Variants in DMD observed in about 807,000 individuals in gnomAD.
DMD encodes the protein dystrophin.
A neutral mutation model predicts 330.1 loss-of-function variants in DMD; 63 were observed. The ratio of observed to expected loss-of-function variants is 0.19; its 90% CI spans 0.16 to 0.24. The LOEUF is 0.24. Ranked by LOEUF, DMD falls within the 10% of genes least tolerant of loss-of-function variation. DMD has a pLI of 1.00. For synonymous variants in DMD, 1,223 were observed against 959.8 expected, an observed-to-expected ratio of 1.27 and a Z score of -5.07; for missense variants, 3,344 against 2,684.1, an observed-to-expected ratio of 1.25 and a Z score of -5.43.
chrX:32,701,635 T>G (rs901976529), intron 7 of DMD, among the ~76,000 whole-genome samples: 2 of 111,533 alleles, frequency 1.8e-5, no homozygotes, highest in Non-Finnish European at 3.8e-5. Context: ...TTAGCATAAC[T>G]TAGAGCTCTT....
At chrX:32,085,346 G>A (rs1328680410) in intron 44 of DMD, among the ~76,000 whole-genome samples, 1 of 109,365 alleles carries the variant, frequency 9.1e-6, no homozygotes, top group Non-Finnish European at 1.9e-5. Flanking sequence ...TATTATGTGA[G>A]TATGTTGGAT....
At position 31,737,952 on chromosome X, in the gene DMD, A is replaced by G. The variant is rs779209956; in HGVS notation, c.7543-8204T>C. ...TGGAATTCTTTACAAATAATGGCAA[A>G]TAAGTTTAGGTAGACATAGTAGAAG... On this transcript the variant is annotated intron_variant, in intron 51 of 78. Transcript: ENST00000357033. 5.4e-5 allele frequency among the ~76,000 whole-genome samples: 6 copies of G among 112,024 alleles called. No homozygotes were observed. The South Asian group carries it at 2.2e-3, about 42-fold the overall frequency.
chrX:32,582,562 A>G (rs1471604912), intron 13 of DMD, among the ~76,000 whole-genome samples: 1 of 112,023 alleles, frequency 8.9e-6, no homozygotes, highest in Non-Finnish European at 1.9e-5. Context: ...GATCCAGAGA[A>G]TAGATGAAAT....
intron 2 of DMD, among the ~76,000 whole-genome samples, chrX:32,898,616 G>T (rs1009402686): frequency 8.9e-6 from 1 of 111,940 alleles, no homozygotes; most frequent in African/African-American, 3.2e-5. Flanking sequence ...TGAGAGACAG[G>T]TTATTTAGAA....
At chrX:31,288,450 G>A (rs1488921285) in intron 62 of DMD, among the ~76,000 whole-genome samples, 3 of 111,575 alleles carry the variant, frequency 2.7e-5, no homozygotes, top group African/African-American at 6.5e-5. Context: ...CCTTCACTAC[G>A]TGCAAGATAA....
intron 43 of DMD, among the ~76,000 whole-genome samples, chrX:32,278,157 G>C (rs2148396090): frequency 9.0e-6 from 1 of 111,041 alleles, no homozygotes; most frequent in Non-Finnish European, 1.9e-5. Context: ...TAAATTCAAA[G>C]GCTCATTAGT....
intron 44 of DMD, among the ~76,000 whole-genome samples, chrX:32,088,273 A>C (rs1431299847): frequency 4.5e-5 from 5 of 111,160 alleles, no homozygotes; most frequent in African/African-American, 1.6e-4. Context: ...GAACCCCATG[A>C]GATAGACATG....
intron 9 of DMD, among the ~76,000 whole-genome samples, chrX:32,665,569 C>T (rs2061248474): frequency 4.5e-5 from 5 of 111,979 alleles, no homozygotes; most frequent in Admixed American, 3.8e-4. Context: ...TAATCACTCA[C>T]TTAGATCACA....
At chrX:32,502,310 T>C (rs2044139697) in intron 18 of DMD, among the ~76,000 whole-genome samples, 1 of 111,479 alleles carries the variant, frequency 9.0e-6, no homozygotes, top group Non-Finnish European at 1.9e-5. Context: ...AGCAGAAATA[T>C]ATAATATATG....
chrX:31,628,976 C>T, intron 54 of DMD, among the ~76,000 whole-genome samples: 1 of 95,510 alleles, frequency 1.0e-5, no homozygotes. Flanking sequence ...ACACATATGC[C>T]CTCAGCAAAT....
intron 77 of DMD, among the ~76,000 whole-genome samples, chrX:31,131,713 G>A (rs1428447929): frequency 9.0e-6 from 1 of 111,615 alleles, no homozygotes; most frequent in African/African-American, 3.3e-5. Flanking sequence ...ATATGTGTGT[G>A]TACACACACA....
At chrX:32,814,947 G>C (rs574996569) in intron 6 of DMD, among the ~76,000 whole-genome samples, 2 of 111,456 alleles carry the variant, frequency 1.8e-5, no homozygotes, top group South Asian at 7.6e-4. Flanking sequence ...TTAGTGTTAA[G>C]CATGTGGCTG....
chrX:31,683,094 C>T (rs1489299691), intron 52 of DMD, among the ~76,000 whole-genome samples: 1 of 111,857 alleles, frequency 8.9e-6, no homozygotes, highest in Non-Finnish European at 1.9e-5. Flanking sequence ...TTGGGGTGTG[C>T]ATCCCACTGA....
At chrX:32,661,711 C>A (rs1468599293) in intron 9 of DMD, among the ~76,000 whole-genome samples, 1 of 111,106 alleles carries the variant, frequency 9.0e-6, no homozygotes, top group Non-Finnish European at 1.9e-5. Context: ...ATTTCTGTGA[C>A]CAATTTTATA....
At chrX:32,196,773 C>T (rs767561583) in intron 44 of DMD, among the ~76,000 whole-genome samples, 87 of 109,953 alleles carry the variant, frequency 7.9e-4, no homozygotes, top group African/African-American at 2.8e-3. Flanking sequence ...ATCACGAGGT[C>T]AGGAGATCGA....
chrX:31,249,367 G>A, intron 63 of DMD, among the ~76,000 whole-genome samples: 1 of 110,948 alleles, frequency 9.0e-6, no homozygotes, highest in Non-Finnish European at 1.9e-5. Context: ...TCAGCTTCCC[G>A]AGTATCTGGT....
intron 12 of DMD, among the ~76,000 whole-genome samples, chrX:32,610,410 A>G (rs1201829397): frequency 9.0e-6 from 1 of 111,449 alleles, no homozygotes; most frequent in Non-Finnish European, 1.9e-5. Flanking sequence ...TGCCAGGTTC[A>G]GTAAAAGTGA....
chrX:32,825,442 C>T (rs1489873630), intron 4 of DMD, among the ~76,000 whole-genome samples: 1 of 111,284 alleles, frequency 9.0e-6, no homozygotes, highest in Admixed American at 9.6e-5. Flanking sequence ...GGTACTACCC[C>T]CCCAGTGTCA....
At chrX:32,104,865 G>A (rs1186812986) in intron 44 of DMD, among the ~76,000 whole-genome samples, 1 of 111,145 alleles carries the variant, frequency 9.0e-6, no homozygotes, top group Non-Finnish European at 1.9e-5. Context: ...ATGGAAAAGA[G>A]CTCCTAGGAA....
Sources: allele counts gnomAD v4.1 joint callset (sites outside exome capture counted in the v4.1 genomes callset), GRCh38; gene constraint gnomAD v4.1.1; transcripts MANE v1.5; gene names NCBI Gene and HGNC (gene_info 2026-07-23, HGNC 2026-07-21).